The following SOX5 variants were observed in gnomAD, a reference collection of about 807,000 sequenced individuals.
SOX5 encodes the protein transcription factor SOX-5.
Under a neutral mutation model 92.0 loss-of-function variants are expected in SOX5, and 9 were observed. The ratio of observed to expected loss-of-function variants is 0.10; its 90% CI spans 0.06 to 0.17. SOX5 has a LOEUF of 0.17. Ranked by LOEUF, SOX5 falls within the 10% of genes least tolerant of loss-of-function variation. The pLI is 1.00. For missense variants in SOX5, 642 were observed against 944.5 expected (o/e 0.68, Z 4.20); for synonymous variants, 344 against 336.3 (o/e 1.02, Z -0.25).
chr12:23,681,161 G>T (rs1314958392), intron 6 of SOX5, among the ~76,000 whole-genome samples: 1 of 151,942 alleles, frequency 6.6e-6, no homozygotes, highest in Non-Finnish European at 1.5e-5. Context: ...GCTAGGGAGT[G>T]CTATGGTTAT....
chr12:24,304,598 C>T (rs188373900), intron 2 of SOX5, among the ~76,000 whole-genome samples: 4 of 152,222 alleles, frequency 2.6e-5, no homozygotes, highest in East Asian at 1.9e-4. Flanking sequence ...TTGCAGACCT[C>T]GCTCTTGGGC....
At chr12:23,605,162 A>G (rs1379231846) in intron 8 of SOX5, among the ~76,000 whole-genome samples, 1 of 152,144 alleles carries the variant, frequency 6.6e-6, no homozygotes, top group East Asian at 1.9e-4. Flanking sequence ...TATCTTGACG[A>G]CTAAGGTTTT....
chr12:23,976,413 A>AC (rs1190016225), intron 4 of SOX5, among the ~76,000 whole-genome samples: 4 of 150,180 alleles, frequency 2.7e-5, no homozygotes, highest in African/African-American at 4.9e-5. Flanking sequence ...AAACAAAAAA[A>AC]AAAAAAAAAA....
At chr12:24,199,445 AT>A (rs1957314157) in intron 4 of SOX5, among the ~76,000 whole-genome samples, 1 of 152,216 alleles carries the variant, frequency 6.6e-6, no homozygotes, top group Non-Finnish European at 1.5e-5. Context: ...TAAACTTAGA[AT>A]CTCTATGTCT....
At chr12:23,587,940 C>T (rs1041857549) in intron 9 of SOX5, among the ~76,000 whole-genome samples, 2 of 151,968 alleles carry the variant, frequency 1.3e-5, no homozygotes, top group East Asian at 1.9e-4. Flanking sequence ...GGTTACCCAC[C>T]GGCCATTTTA....
chr12:24,087,807 T>A (rs1022605298), intron 4 of SOX5, among the ~76,000 whole-genome samples: 1 of 152,080 alleles, frequency 6.6e-6, no homozygotes, highest in Non-Finnish European at 1.5e-5. Context: ...TTTAAAATAT[T>A]GTTGGGGGTT....
At chr12:23,788,018 T>C (rs2095411428) in intron 3 of SOX5, among the ~76,000 whole-genome samples, 1 of 151,528 alleles carries the variant, frequency 6.6e-6, no homozygotes, top group Non-Finnish European at 1.5e-5. Context: ...ATATTGGAAT[T>C]TGAATATATA....
chr12:24,056,362 C>G (rs1183173226), intron 4 of SOX5, among the ~76,000 whole-genome samples: 1 of 152,152 alleles, frequency 6.6e-6, no homozygotes, highest in East Asian at 1.9e-4. Flanking sequence ...AAAATAATTT[C>G]AACTCTATTT....
At chr12:24,182,372 G>C (rs1775844157) in intron 4 of SOX5, among the ~76,000 whole-genome samples, 1 of 152,086 alleles carries the variant, frequency 6.6e-6, no homozygotes, top group Non-Finnish European at 1.5e-5. Flanking sequence ...CCTACACGAA[G>C]GACCAACAGC....
chr12:24,438,978 T>C (rs1043563094), intron 1 of SOX5, among the ~76,000 whole-genome samples: 2 of 152,220 alleles, frequency 1.3e-5, no homozygotes, highest in Non-Finnish European at 1.5e-5. Flanking sequence ...CAAACAGCCT[T>C]GTCTCCTACA....
At chr12:24,007,816 CACACACAT>C (rs200317518) in intron 4 of SOX5, among the ~76,000 whole-genome samples, 16,112 of 66,872 alleles carry the variant, frequency 0.24, 2,708 homozygotes, top group Middle Eastern at 0.4. Context: ...CACACACACA[CACACACAT>C]ATATATATAT....
At chr12:24,226,212 A>G (rs2139864179) in intron 3 of SOX5, among the ~76,000 whole-genome samples, 1 of 151,996 alleles carries the variant, frequency 6.6e-6, no homozygotes, top group Admixed American at 6.5e-5. Flanking sequence ...ATAACTCTGG[A>G]CTCACTTCCA....
intron 1 of SOX5, among the ~76,000 whole-genome samples, chr12:23,947,473 A>C (rs1944778145): frequency 1.3e-5 from 2 of 151,862 alleles, no homozygotes; most frequent in Admixed American, 1.3e-4. Context: ...CTATAGAGAC[A>C]CTCACCCGTA....
chr12:24,561,137 G>C (rs932052634), intron 1 of SOX5, among the ~76,000 whole-genome samples: 4 of 152,210 alleles, frequency 2.6e-5, no homozygotes, highest in Admixed American at 6.5e-5. Context: ...AGGATCTCAA[G>C]TGGGTTCCAG....
intron 6 of SOX5, among the ~76,000 whole-genome samples, chr12:23,680,566 T>A (rs544797062): frequency 1.1e-4 from 16 of 151,602 alleles, no homozygotes; most frequent in South Asian, 4.2e-4. Context: ...AGAAAAAAAA[T>A]TTTTTTAAAT....
chr12:24,204,818 T>C (rs1368561409), intron 4 of SOX5, among the ~76,000 whole-genome samples: 2 of 152,178 alleles, frequency 1.3e-5, no homozygotes, highest in African/African-American at 4.8e-5. Flanking sequence ...TAACTCTCCC[T>C]GAAATCATTT....
At chr12:24,253,030 A>C (rs1406145850) in intron 3 of SOX5, among the ~76,000 whole-genome samples, 3 of 152,220 alleles carry the variant, frequency 2.0e-5, no homozygotes, top group Non-Finnish European at 4.4e-5. Flanking sequence ...TTTTTTAAGC[A>C]CAATAGCAGA....
intron 13 of SOX5, among the ~76,000 whole-genome samples, chr12:23,542,981 A>C (rs1201300943): frequency 1.3e-5 from 2 of 152,196 alleles, no homozygotes; most frequent in Non-Finnish European, 2.9e-5. Context: ...AAAGCATTAA[A>C]ATAATTAGTA....
chr12:24,198,643 A>T (rs1371477824), intron 4 of SOX5, among the ~76,000 whole-genome samples: 2 of 152,226 alleles, frequency 1.3e-5, no homozygotes, highest in Admixed American at 1.3e-4. Context: ...AAGCAACCAC[A>T]GGAAAAAGAA....
Sources: allele counts gnomAD v4.1 joint callset (sites outside exome capture counted in the v4.1 genomes callset), GRCh38; gene constraint gnomAD v4.1.1; transcripts MANE v1.5; gene names NCBI Gene and HGNC (gene_info 2026-07-23, HGNC 2026-07-21).